DGKD: variants seen among roughly 807,000 people sequenced by gnomAD.
DGKD encodes the protein diacylglycerol kinase delta.
In DGKD, 68 loss-of-function variants were observed where a neutral mutation model predicts 154.4. That is an observed-to-expected ratio of 0.44 (90% CI 0.36 to 0.54). The LOEUF (loss-of-function observed/expected upper bound fraction) is 0.54, where lower values mean the gene tolerates loss of function less well. Among genes scored for constraint, DGKD ranks in the 20% least tolerant of loss-of-function variants. The probability of loss-of-function intolerance (pLI) is 0.00; values close to 1 mark genes in which losing one functional copy is unlikely to be tolerated. For synonymous variants in DGKD, 693 were observed against 638.0 expected, an observed-to-expected ratio of 1.09 and a Z score of -1.30; for missense variants, 1,343 against 1,593.6, an observed-to-expected ratio of 0.84 and a Z score of 2.68.
intron 3 of DGKD, among the ~76,000 whole-genome samples, chr2:233,412,044 A>G (rs2061843258): frequency 6.6e-6 from 1 of 152,234 alleles, no homozygotes; most frequent in South Asian, 2.1e-4. Flanking sequence ...GGAAGTGTTG[A>G]AATTAGAGTC....
intron 3 of DGKD, among the ~76,000 whole-genome samples, chr2:233,425,711 G>C (rs911255380): frequency 6.6e-6 from 1 of 152,212 alleles, no homozygotes; most frequent in Non-Finnish European, 1.5e-5. Context: ...AACATGTAGA[G>C]TAGCTTCAGG....
chr2:233,362,799 T>A, intron 1 of DGKD, among the ~76,000 whole-genome samples: 1 of 152,228 alleles, frequency 6.6e-6, no homozygotes, highest in Non-Finnish European at 1.5e-5. Flanking sequence ...TAATGATGTT[T>A]CCGGATGATG....
intron 3 of DGKD, among the ~76,000 whole-genome samples, chr2:233,398,181 T>G (rs559231447): frequency 6.7e-6 from 1 of 149,808 alleles, no homozygotes; most frequent in African/African-American, 2.5e-5. Context: ...CTCGCTCTGT[T>G]GCCCAGGCTG....
chr2:233,369,960 T>G (rs916971747), intron 1 of DGKD, among the ~76,000 whole-genome samples: 1 of 152,208 alleles, frequency 6.6e-6, no homozygotes, highest in African/African-American at 2.4e-5. Context: ...CCTTATAGAA[T>G]GATGGAAGAG....
At chr2:233,444,179 C>T (rs1021495955) in intron 10 of DGKD, among the ~76,000 whole-genome samples, 2 of 152,126 alleles carry the variant, frequency 1.3e-5, no homozygotes, top group Non-Finnish European at 2.9e-5. Context: ...CCCCACCCTG[C>T]GTTCCTTTCC....
chr2:233,446,524 C>T (rs1050853651), intron 11 of DGKD, among the ~76,000 whole-genome samples, 188 bp from the exon 12 acceptor site: 7 of 152,218 alleles, frequency 4.6e-5, no homozygotes, highest in East Asian at 3.8e-4. Context: ...GCTGTACTGC[C>T]GTTAGTTGTG....
intron 3 of DGKD, among the ~76,000 whole-genome samples, chr2:233,431,464 G>A (rs2062507180): frequency 6.6e-6 from 1 of 152,042 alleles, no homozygotes; most frequent in Non-Finnish European, 1.5e-5. Context: ...TCACAGAAAT[G>A]GAAAAAATAA....
At chr2:233,367,761 G>T (rs1250331733) in intron 1 of DGKD, among the ~76,000 whole-genome samples, 1 of 152,040 alleles carries the variant, frequency 6.6e-6, no homozygotes, top group Non-Finnish European at 1.5e-5. Flanking sequence ...ATCCCACTTG[G>T]AGGTGGGTGT....
rs1467465816 is a variant in DGKD at position 233,441,044 on chromosome 2, G to A, written c.1086-843G>A. Among the ~76,000 whole-genome samples, 1 of 152,170 alleles carries A rather than the reference G, an allele frequency of 6.6e-6. No homozygotes were observed. Among genetic ancestry groups the A allele is most frequent in the African/African-American group, 2.4e-5 (1 of 41,440 alleles). ...TGGATGTGCCCTGGGATACCAGAGT[G>A]GTGTGTTCTGGAGGACAGGTGCAAG... On this transcript the variant is annotated intron_variant, in intron 9 of 29. Coordinates refer to ENST00000264057, the MANE Select transcript of DGKD (RefSeq NM_152879.3). The surrounding 1 kb of genome is among the most constrained non-coding windows in gnomAD (Gnocchi z 5.6).
intron 3 of DGKD, among the ~76,000 whole-genome samples, chr2:233,424,793 C>T (rs1029410364): frequency 1.3e-5 from 2 of 152,246 alleles, no homozygotes; most frequent in Non-Finnish European, 1.5e-5. Flanking sequence ...ACCTGGAAAA[C>T]ACGCGGTGGA....
In DGKD at chr2:233,438,462, A is replaced by G. The variant is rs1177583226; in HGVS notation, c.1085+83A>G. ...GTGCTTGTTAAAAAAAAAAAGTTCA[A>G]AGACACAAAGCTTTAAATAGGAAAG... On this transcript the variant is annotated intron_variant, in intron 9 of 29. Coordinates refer to ENST00000264057, the MANE Select transcript of DGKD (RefSeq NM_152879.3). The surrounding 1 kb of genome is among the most constrained non-coding windows in gnomAD (Gnocchi z 4.1). 2.0e-6 allele frequency: 3 copies of G among 1,464,056 alleles called. No homozygotes were observed. Among genetic ancestry groups the G allele is most frequent in the African/African-American group, 2.8e-5 (2 of 70,254 alleles). The allele number at this position is 1,464,056 out of a possible 1,614,324, so 90.7% of individuals were successfully genotyped here. A position where few individuals can be genotyped will look rare whatever the true frequency, so the allele number is the denominator to read the frequency against.
intron 3 of DGKD, among the ~76,000 whole-genome samples, chr2:233,418,071 T>C (rs1220556438): frequency 6.6e-6 from 1 of 152,248 alleles, no homozygotes; most frequent in African/African-American, 2.4e-5. Context: ...TTGGATTATT[T>C]ATACAGACTA....
intron 1 of DGKD, among the ~76,000 whole-genome samples, chr2:233,368,879 C>A (rs1225424376): frequency 2.0e-5 from 3 of 152,198 alleles, no homozygotes. Context: ...TGGATAGAGT[C>A]CTGGAGCTGG....
At chr2:233,453,744 T>C (rs1398823295) in intron 18 of DGKD, among the ~76,000 whole-genome samples, 1 of 151,834 alleles carries the variant, frequency 6.6e-6, no homozygotes, top group Non-Finnish European at 1.5e-5. Context: ...GACCCTGGGG[T>C]TGGGGAGGGT....
rs78432486 is a variant in DGKD at position 233,418,734 on chromosome 2, A to C, written c.349-15646A>C. On this transcript the variant is annotated intron_variant, in intron 3 of 29. Transcript: ENST00000264057. ...GCTGGGGACCCCCTCCTTCCCCCCAAAGCTGCTCTGAGGCTGCAGGTGAGA... is the reference window on the plus strand; with the variant it reads ...GCTGGGGACCCCCTCCTTCCCCCCACAGCTGCTCTGAGGCTGCAGGTGAGA... Among the ~76,000 whole-genome samples the C allele has an allele frequency of 9.7e-3, 1,480 of 152,276 alleles. 14 individuals carry two copies. The highest frequency in any genetic ancestry group is 0.027 in the Admixed American group (407 of 15,288).
Position 233,469,625 on chromosome 2 carries a change from C to T in DGKD, c.*165C>T, listed in dbSNP as rs2063946150. 1.6e-6 allele frequency: 1 copy of T among 618,026 alleles called. No individual in the cohort carries two copies. The allele number at this position is 618,026 out of a possible 1,614,324, so 38.3% of individuals were successfully genotyped here. On this transcript the variant is annotated 3_prime_UTR_variant, in exon 30 of 30. Transcript: ENST00000264057. ...TTCCTCTGTCAGCTACAGAAAGCCT[C>T]CGTGACACCGTCCACCAGAGCTCTG...
intron 3 of DGKD, among the ~76,000 whole-genome samples, chr2:233,405,566 G>C (rs538522648): frequency 6.6e-6 from 1 of 152,094 alleles, no homozygotes; most frequent in South Asian, 2.1e-4. Context: ...GGCCAGGAGG[G>C]CTCTGCTCTG....
In DGKD at chr2:233,459,659, G is replaced by C. The variant is rs778546403; in HGVS notation, c.2695-98G>C. The C allele has an allele frequency of 2.0e-6, 3 of 1,491,600 alleles. No individual in the cohort carries two copies. Among genetic ancestry groups the C allele is most frequent in the African/African-American group, 1.4e-5 (1 of 72,328 alleles). The allele number at this position is 1,491,600 out of a possible 1,614,324, so 92.4% of individuals were successfully genotyped here. ...GTGGGGTGTCCTGCAAGGCAGGGAC[G>C]GGTGTGTGGAGCAGGAAGGTCATGG... On this transcript the variant is annotated intron_variant, in intron 22 of 29. Transcript: ENST00000264057. The surrounding 1 kb of genome is among the most constrained non-coding windows in gnomAD (Gnocchi z 5.7).
chr2:233,379,380 G>A (rs1559483764), intron 1 of DGKD, among the ~76,000 whole-genome samples: 3 of 152,208 alleles, frequency 2.0e-5, no homozygotes, highest in African/African-American at 7.2e-5. Flanking sequence ...TTCTGGGAGG[G>A]GTGAGAGAGG....
Sources: gnomAD v4.1 joint callset for allele counts (sites outside exome capture counted in the v4.1 genomes callset) on GRCh38, gnomAD v4.1.1 for gene constraint, Gnocchi (gnomAD v3.1) non-coding constraint, MANE v1.5 for transcripts, NCBI Gene and HGNC (gene_info 2026-07-23, HGNC 2026-07-21) for gene names.